SYNRG: variants seen among roughly 807,000 people sequenced by gnomAD.
SYNRG encodes the protein AP1 gamma subunit binding protein 1.
In SYNRG, 37 loss-of-function variants were observed where a neutral mutation model predicts 130.9. The observed-to-expected ratio is 0.28, with a 90% CI of 0.22 to 0.37. The LOEUF is 0.37. Among genes scored for constraint, SYNRG ranks in the 10% least tolerant of loss-of-function variants. SYNRG has a pLI of 1.00. For missense variants in SYNRG, 1,338 were observed against 1,588.9 expected (o/e 0.84, Z 2.68); for synonymous variants, 539 against 568.1 (o/e 0.95, Z 0.73).
Position 37,584,630 on chromosome 17 carries a change from A to G in SYNRG, c.589+18T>C, listed in dbSNP as rs565712179. 8 of 1,602,102 alleles carry G rather than the reference A, an allele frequency of 5.0e-6. No homozygotes were observed. The South Asian group carries it at 7.7e-5, about 15-fold the overall frequency. The stretch of plus-strand genomic sequence containing the variant: ...TCACCTTCCCAGAAAAGAAAAATAT[A>G]ATGCCTCTTAAAACTACCTGGTTTC... On this transcript the variant is annotated intron_variant, in intron 6 of 21. Coordinates refer to ENST00000612223, the MANE Select transcript of SYNRG (RefSeq NM_007247.6).
intron 18 of SYNRG, 90 bp from the exon 19 acceptor site, chr17:37,536,217 G>C: frequency 7.1e-7 from 1 of 1,409,278 alleles, no homozygotes; most frequent in South Asian, 1.4e-5. Flanking sequence ...TGATATCTGT[G>C]AGAAACAATG....
chr17:37,577,557 C>T lies in SYNRG; in HGVS notation c.646G>A (p.Glu216Lys). Residue 216 changes from glutamate to lysine, a missense_variant, in exon 7 of 22, where the codon GAA (glutamate) becomes AAA (lysine). Around this residue, in one of 3 missense-constraint regions of SYNRG, gnomAD observed 1,146 missense variants for 1,342.3 expected, o/e 0.85. Coordinates refer to ENST00000612223, the MANE Select transcript of SYNRG (RefSeq NM_007247.6). The part of the protein sequence containing the change: ...VSCDISTSGQ[E>K]QIKLNTSEVG... The stretch of plus-strand genomic sequence containing the variant: ...TCAGAAGTATTTAATTTAATTTGTT[C>T]CTGCCCAGATGTACTTATATCACAA... 6.2e-7 allele frequency: 1 copy of T among 1,614,128 alleles called. No individual in the cohort carries two copies. The highest frequency in any genetic ancestry group is 2.2e-5 in the East Asian group (1 of 44,890).
intron 3 of SYNRG, among the ~76,000 whole-genome samples, chr17:37,591,190 T>C (rs2062156022): frequency 6.6e-6 from 1 of 152,166 alleles, no homozygotes; most frequent in Non-Finnish European, 1.5e-5. Context: ...GCAATGAATA[T>C]GTGAACACTG....
At position 37,568,490 on chromosome 17, in the gene SYNRG, T is replaced by C. The variant is rs1321208005; in HGVS notation, c.1481+301A>G. The C allele has an allele frequency of 1.7e-5, 4 of 232,724 alleles. No individual in the cohort carries two copies. In the East Asian group the frequency reaches 3.3e-4, roughly 19 times the overall value. 14.4% of individuals were successfully genotyped at this position (232,724 alleles called of 1,614,324 possible). ...TTAACAGTTGAAGACCTTGCTGTAATATAGGAACACGAAGTCATCACTGCA... is the reference window on the plus strand; with the variant it reads ...TTAACAGTTGAAGACCTTGCTGTAACATAGGAACACGAAGTCATCACTGCA... On this transcript the variant is annotated intron_variant, in intron 11 of 21. Transcript: ENST00000612223.
At chr17:37,585,156 C>T (rs1411548613) in intron 5 of SYNRG, among the ~76,000 whole-genome samples, 169 bp downstream of exon 5, 2 of 152,182 alleles carry the variant, frequency 1.3e-5, no homozygotes, top group Non-Finnish European at 2.9e-5. Flanking sequence ...TGTATCTTTA[C>T]AGAAAATGAA....
chr17:37,523,486 G>A (rs920549243), intron 19 of SYNRG, among the ~76,000 whole-genome samples: 1 of 152,184 alleles, frequency 6.6e-6, no homozygotes, highest in Non-Finnish European at 1.5e-5. Context: ...TAATAACGGT[G>A]TTTAACAACT....
At chr17:37,586,338 T>G in intron 4 of SYNRG, 81 bp downstream of exon 4, 2 of 1,561,514 alleles carry the variant, frequency 1.3e-6, no homozygotes, top group Non-Finnish European at 1.7e-6. Flanking sequence ...GTTTCAAATC[T>G]GCACTAGAGA....
intron 15 of SYNRG, 85 bp from the exon 16 acceptor site, chr17:37,540,628 T>A: frequency 8.6e-7 from 1 of 1,157,298 alleles, no homozygotes; most frequent in Non-Finnish European, 1.2e-6. Context: ...CACAACCCTC[T>A]TCTTTTTTTT....
chr17:37,521,792 G>A (rs540630584), intron 19 of SYNRG, among the ~76,000 whole-genome samples: 9 of 152,274 alleles, frequency 5.9e-5, no homozygotes, highest in Middle Eastern at 3.4e-3. Flanking sequence ...AAGAGCTGAC[G>A]AGGCAGGAGA....
At chr17:37,561,897 G>A (rs974510659) in intron 11 of SYNRG, among the ~76,000 whole-genome samples, 3 of 117,582 alleles carry the variant, frequency 2.6e-5, no homozygotes, top group Non-Finnish European at 5.9e-5. Flanking sequence ...CTGGAATGGC[G>A]TTGGAAGTAG....
chr17:37,537,596 C>T (rs2057327888), intron 18 of SYNRG: 1 of 152,296 alleles, frequency 6.6e-6, no homozygotes, highest in African/African-American at 2.4e-5. Context: ...CATCACTACA[C>T]TCCAACCTGG....
Position 37,520,554 on chromosome 17 carries a change from A to G in SYNRG, c.3761T>C (p.Val1254Ala). ...GTGACTTACCCGGCTCCTCGAGTCC[A>G]CATTCAAGAGGCACACTCCACAGGC... ...ELACGVCLLN[V>A]DSRSRKEEKP... Residue 1254 changes from valine (V) to alanine (A), a missense_variant, in exon 20 of 22, where the codon GTG (valine) becomes GCG (alanine). This residue lies in a region of SYNRG where 1,146 missense variants were observed against 1,342.3 expected (regional missense o/e 0.85). Transcript: ENST00000612223. The G allele has an allele frequency of 1.2e-6, 2 of 1,614,098 alleles. No individual in the cohort carries two copies. The highest frequency in any genetic ancestry group is 1.7e-6 in the Non-Finnish European group (2 of 1,180,048).
chr17:37,546,601 C>T (rs138904263), intron 14 of SYNRG, among the ~76,000 whole-genome samples: 20 of 152,266 alleles, frequency 1.3e-4, no homozygotes, highest in Non-Finnish European at 2.4e-4. Context: ...TACATGAAAA[C>T]GGTATTTTTT....
intron 3 of SYNRG, among the ~76,000 whole-genome samples, chr17:37,594,774 T>C (rs573269742): frequency 1.3e-4 from 20 of 152,228 alleles, no homozygotes; most frequent in Admixed American, 2.6e-4. Context: ...GCTACCTTTA[T>C]TCTAAGAGAA....
At chr17:37,593,326 T>G (rs1482181795) in intron 3 of SYNRG, among the ~76,000 whole-genome samples, 1 of 152,050 alleles carries the variant, frequency 6.6e-6, no homozygotes, top group Non-Finnish European at 1.5e-5. Flanking sequence ...GGCAGGAGAA[T>G]CGCTTGAACC....
chr17:37,525,077 C>G (rs1396524537), intron 19 of SYNRG, among the ~76,000 whole-genome samples: 1 of 152,162 alleles, frequency 6.6e-6, no homozygotes, highest in Non-Finnish European at 1.5e-5. Flanking sequence ...ACTCTTTCAG[C>G]TGACAAAATT....
chr17:37,567,430 C>T (rs1481206359), intron 11 of SYNRG: 1 of 152,116 alleles, frequency 6.6e-6, no homozygotes, highest in Non-Finnish European at 1.5e-5. Flanking sequence ...ATTTGAGGTG[C>T]CTTGACTCAT....
intron 13 of SYNRG, among the ~76,000 whole-genome samples, chr17:37,560,866 C>G (rs146779377): frequency 6.7e-6 from 1 of 148,402 alleles, no homozygotes; most frequent in Non-Finnish European, 1.5e-5. Context: ...GGTTTTGCCA[C>G]GTTGGCCAGG....
intron 14 of SYNRG, among the ~76,000 whole-genome samples, chr17:37,548,573 T>G (rs1377724560): frequency 6.6e-6 from 1 of 152,104 alleles, no homozygotes; most frequent in Non-Finnish European, 1.5e-5. Flanking sequence ...ATCCCACTAC[T>G]TTGGGAGGCC....
Sources: gnomAD v4.1 joint callset for allele counts (sites outside exome capture counted in the v4.1 genomes callset) on GRCh38, gnomAD v4.1.1 for gene constraint, gnomAD v4.1.1 regional missense constraint, MANE v1.5 for transcripts, NCBI Gene and HGNC (gene_info 2026-07-23, HGNC 2026-07-21) for gene names.